NCOA2: variants seen among roughly 807,000 people sequenced by gnomAD.
NCOA2 encodes class E basic helix-loop-helix protein 75.
NCOA2 carries 21 observed loss-of-function variants against 145.1 expected under a neutral mutation model. The ratio of observed to expected loss-of-function variants is 0.14; its 90% confidence interval spans 0.10 to 0.21. The LOEUF (loss-of-function observed/expected upper bound fraction) is 0.21. Among genes scored for constraint, NCOA2 ranks in the 10% least tolerant of loss-of-function variants. NCOA2 has a pLI of 1.00. For synonymous variants in NCOA2, 619 were observed against 637.5 expected (o/e 0.97, Z 0.44); for missense variants, 1,472 against 1,837.6 (o/e 0.80, Z 3.64).
chr8:70,245,180 A>T (rs1822504963), intron 2 of NCOA2: 1 of 152,108 alleles, frequency 6.6e-6, no homozygotes, highest in Admixed American at 6.6e-5. Flanking sequence ...CCAAACCAAC[A>T]TTACATCTTG....
chr8:70,132,964 T>C (rs1487734659), intron 15 of NCOA2, among the ~76,000 whole-genome samples: 1 of 152,214 alleles, frequency 6.6e-6, no homozygotes, highest in Non-Finnish European at 1.5e-5. Flanking sequence ...TTATATTTGT[T>C]ATTATATAAG....
rs141256740 is a variant in NCOA2, at chr8:70,254,242, A to G, written c.-19-37478T>C. Among the ~76,000 whole-genome samples the G allele has an allele frequency of 1.3e-3, 202 of 152,324 alleles. 2 individuals carry two copies. In the East Asian group the frequency reaches 0.03, roughly 23 times the overall value. The stretch of plus-strand genomic sequence containing the variant: ...GCTACTATCAAAAATATAGAAAATA[A>G]TAAGTGTTGGTGAGGATGCAGAAAA... On this transcript the variant is annotated intron_variant, in intron 2 of 22. Transcript: ENST00000452400.
intron 1 of NCOA2, among the ~76,000 whole-genome samples, chr8:70,383,034 G>A (rs753245392): frequency 2.0e-5 from 3 of 152,164 alleles, no homozygotes; most frequent in Admixed American, 6.5e-5. Flanking sequence ...ACAGAAAATG[G>A]TAGAAAGTCA....
chr8:70,113,307 T>C lies in NCOA2; in HGVS notation c.*325A>G, dbSNP rs1806708697. The stretch of plus-strand genomic sequence containing the variant: ...CATGGTTCTCCTTAAATACATACAT[T>C]TAAATACATTCAATCTGACATGGGT... On this transcript the variant is annotated 3_prime_UTR_variant, in exon 23 of 23. Transcript: ENST00000452400. 1 of 440,024 alleles carries C rather than the reference T, an allele frequency of 2.3e-6. No homozygotes were observed. Among genetic ancestry groups the C allele is most frequent in the Admixed American group, 3.6e-5 (1 of 27,870 alleles). 27.3% of individuals were successfully genotyped at this position (440,024 alleles called of 1,614,324 possible).
chr8:70,328,979 G>A (rs900299199), intron 1 of NCOA2, among the ~76,000 whole-genome samples: 6 of 150,960 alleles, frequency 4.0e-5, no homozygotes, highest in African/African-American at 4.9e-5. Context: ...TTAGAGACAG[G>A]ATCTCACACT....
intron 4 of NCOA2, among the ~76,000 whole-genome samples, chr8:70,175,880 T>TC (rs995812170): frequency 7.2e-5 from 11 of 152,108 alleles, no homozygotes; most frequent in Admixed American, 4.6e-4. Context: ...TTTTTTTTTT[T>TC]TGTCAAAAAT....
At chr8:70,287,417 G>C (rs756737797) in intron 2 of NCOA2, among the ~76,000 whole-genome samples, 7 of 151,970 alleles carry the variant, frequency 4.6e-5, no homozygotes, top group Non-Finnish European at 8.8e-5. Flanking sequence ...CTTTAGAATT[G>C]AAAACTTTCT....
At position 70,362,263 on chromosome 8, in the gene NCOA2, C is replaced by T. The variant is rs566714666; in HGVS notation, c.-77+41437G>A. On this transcript the variant is annotated intron_variant, in intron 1 of 22. Coordinates refer to ENST00000452400, the MANE Select transcript of NCOA2 (RefSeq NM_006540.4). ...AAAAAGGATAATCAAAACCATACGT[C>T]TACGTTAATGCACATAGACATATTT... is the stretch of plus-strand genomic sequence containing the variant. 4.9e-4 allele frequency among the ~76,000 whole-genome samples: 75 copies of T among 152,242 alleles called. 2 individuals are homozygous for T. Among genetic ancestry groups the T allele is most frequent in the Middle Eastern group, 3.4e-3 (1 of 294 alleles).
chr8:70,184,924 C>A (rs1208749260), intron 4 of NCOA2, among the ~76,000 whole-genome samples: 1 of 152,184 alleles, frequency 6.6e-6, no homozygotes, highest in African/African-American at 2.4e-5. Flanking sequence ...GCCATATCTT[C>A]CATGCCTAGG....
chr8:70,258,690 C>T (rs1823865225), intron 2 of NCOA2, among the ~76,000 whole-genome samples: 1 of 152,166 alleles, frequency 6.6e-6, no homozygotes, highest in African/African-American at 2.4e-5. Flanking sequence ...CCACCAATAA[C>T]TTCTTCTCAT....
At chr8:70,115,229 C>A (rs1272813375) in intron 22 of NCOA2, among the ~76,000 whole-genome samples, 5 of 152,172 alleles carry the variant, frequency 3.3e-5, no homozygotes, top group Non-Finnish European at 1.5e-5. Context: ...CGGCTCACTG[C>A]AACCTCTGCC....
Position 70,326,611 on chromosome 8 carries a change from A to C in NCOA2, c.-76-29811T>G, listed in dbSNP as rs986426302. 5.9e-5 allele frequency among the ~76,000 whole-genome samples: 9 copies of C among 151,960 alleles called. No individual in the cohort carries two copies. In the East Asian group the frequency reaches 1.4e-3, roughly 23 times the overall value. ...TAGCAAATTTTTAATTTCTTACATG[A>C]TATATATATAACAAATCATGGAGAT... On this transcript the variant is annotated intron_variant, in intron 1 of 22. Coordinates refer to ENST00000452400, the MANE Select transcript of NCOA2 (RefSeq NM_006540.4).
intron 2 of NCOA2, chr8:70,273,777 G>T (rs1440382152): frequency 1.2e-5 from 7 of 584,144 alleles, no homozygotes; most frequent in Admixed American, 3.7e-5. Flanking sequence ...TGGAGAGAAT[G>T]ATGATGATGA....
chr8:70,244,289 A>G (rs189617106), intron 2 of NCOA2, among the ~76,000 whole-genome samples: 6 of 152,242 alleles, frequency 3.9e-5, no homozygotes, highest in Non-Finnish European at 5.9e-5. Context: ...TTTTCAGATA[A>G]TGCTTCTGAT....
chr8:70,204,162 C>A (rs1465953171), intron 4 of NCOA2, among the ~76,000 whole-genome samples: 1 of 152,102 alleles, frequency 6.6e-6, no homozygotes, highest in Admixed American at 6.6e-5. Flanking sequence ...CGTGTGCCAC[C>A]ATGCCAGGCT....
chr8:70,211,877 G>C (rs1819064549), intron 4 of NCOA2, among the ~76,000 whole-genome samples: 1 of 152,038 alleles, frequency 6.6e-6, no homozygotes, highest in Non-Finnish European at 1.5e-5. Context: ...ATTATTAGAA[G>C]AATAAGACGT....
chr8:70,324,534 T>C, intron 1 of NCOA2, among the ~76,000 whole-genome samples: 1 of 151,874 alleles, frequency 6.6e-6, no homozygotes, highest in East Asian at 1.9e-4. Context: ...AAAGACAGGG[T>C]TCTCACTATG....
intron 1 of NCOA2, chr8:70,402,647 C>T (rs985501186): frequency 2.0e-5 from 3 of 151,968 alleles, no homozygotes; most frequent in Admixed American, 2.0e-4. Context: ...GTGACCGTCG[C>T]GAGGCGGCCA....
intron 21 of NCOA2, among the ~76,000 whole-genome samples, chr8:70,123,000 T>G (rs1807991476): frequency 6.6e-6 from 1 of 152,242 alleles, no homozygotes; most frequent in Non-Finnish European, 1.5e-5. Flanking sequence ...GTCAGCATTT[T>G]GGGCCTTTAA....
Sources: allele counts gnomAD v4.1 joint callset (sites outside exome capture counted in the v4.1 genomes callset), GRCh38; gene constraint gnomAD v4.1.1; transcripts MANE v1.5; gene names NCBI Gene and HGNC (gene_info 2026-07-23, HGNC 2026-07-21).